Variants in TSPAN9 observed in about 807,000 individuals in gnomAD.
TSPAN9 encodes the protein tetraspanin 9.
TSPAN9 carries 16 observed loss-of-function variants against 31.0 expected under a neutral mutation model. The ratio of observed to expected loss-of-function variants is 0.52; its 90% confidence interval spans 0.35 to 0.78. TSPAN9 has a LOEUF of 0.78. Ranked by LOEUF, TSPAN9 falls within the 30% of genes least tolerant of loss-of-function variation. The pLI is 0.01. For missense variants in TSPAN9, 272 were observed against 312.5 expected (o/e 0.87, Z 0.98); for synonymous variants, 145 against 121.6 (o/e 1.19, Z -1.27).
intron 2 of TSPAN9, among the ~76,000 whole-genome samples, chr12:3,154,642 G>T (rs1042377213): frequency 2.0e-5 from 3 of 152,204 alleles, no homozygotes; most frequent in African/African-American, 7.2e-5. Context: ...TTTTGCAGCA[G>T]GTTGACCAGC....
chr12:3,240,028 T>TA (rs1403612156), intron 3 of TSPAN9, among the ~76,000 whole-genome samples: 3 of 151,072 alleles, frequency 2.0e-5, no homozygotes, highest in Non-Finnish European at 4.4e-5. Flanking sequence ...TACTCCCTTT[T>TA]TTTTTCCTTT....
At chr12:3,268,841 C>T (rs1430336216) in intron 3 of TSPAN9, among the ~76,000 whole-genome samples, 1 of 113,928 alleles carries the variant, frequency 8.8e-6, no homozygotes, top group Non-Finnish European at 1.9e-5. Flanking sequence ...TTCCTGCAGC[C>T]TGCCCTCCGT....
chr12:3,103,162 A>G (rs558077397), intron 2 of TSPAN9, among the ~76,000 whole-genome samples: 126 of 152,292 alleles, frequency 8.3e-4, no homozygotes, highest in Admixed American at 3.3e-3. Flanking sequence ...AAATGCACTC[A>G]CTGAAAAGAG....
chr12:3,218,356 A>T (rs1243226186), intron 3 of TSPAN9, among the ~76,000 whole-genome samples: 1 of 152,144 alleles, frequency 6.6e-6, no homozygotes, highest in Non-Finnish European at 1.5e-5. Flanking sequence ...TGCTTTTAGG[A>T]TGCTCCCTTG....
At chr12:3,135,011 A>T (rs2098331462) in intron 2 of TSPAN9, among the ~76,000 whole-genome samples, 1 of 152,266 alleles carries the variant, frequency 6.6e-6, no homozygotes, top group Non-Finnish European at 1.5e-5. Context: ...AGGTGCCTGC[A>T]GTCAGGGCTG....
chr12:3,262,517 G>T (rs555370875), intron 3 of TSPAN9, among the ~76,000 whole-genome samples: 1 of 151,810 alleles, frequency 6.6e-6, no homozygotes, highest in East Asian at 1.9e-4. Context: ...GGTGCCTCTT[G>T]CCAGCTCACT....
chr12:3,122,021 C>T (rs1286483816), intron 2 of TSPAN9, among the ~76,000 whole-genome samples: 2 of 152,084 alleles, frequency 1.3e-5, no homozygotes, highest in East Asian at 1.9e-4. Context: ...CCCCTCCCCT[C>T]CCCTCGTTTT....
chr12:3,180,003 T>C (rs2098357845), intron 2 of TSPAN9, among the ~76,000 whole-genome samples: 1 of 152,166 alleles, frequency 6.6e-6, no homozygotes, highest in African/African-American at 2.4e-5. Flanking sequence ...AGTAAGCAGC[T>C]CTGAGTTTCA....
At chr12:3,209,273 G>A (rs558187255) in intron 3 of TSPAN9, among the ~76,000 whole-genome samples, 78 of 152,128 alleles carry the variant, frequency 5.1e-4, no homozygotes, top group African/African-American at 1.9e-3. Flanking sequence ...ATTCAGCGTT[G>A]TGTTTCTGGA....
rs114894655 is a variant in TSPAN9, at chr12:3,258,909, G to A, written c.64-19512G>A. 5.1e-3 allele frequency among the ~76,000 whole-genome samples: 770 copies of A among 152,296 alleles called. 9 individuals carry two copies. Among genetic ancestry groups the A allele is most frequent in the African/African-American group, 0.016 (684 of 41,552 alleles). ...CCCCACTGTCTCTTGTCCTTAAGGT[G>A]GGATCCTGAGATGAGATGGCTGATA... On this transcript the variant is annotated intron_variant, in intron 3 of 8. Transcript: ENST00000011898.
At chr12:3,234,931 T>TCAA (rs2098392566) in intron 3 of TSPAN9, among the ~76,000 whole-genome samples, 1 of 148,446 alleles carries the variant, frequency 6.7e-6, no homozygotes, top group Admixed American at 6.7e-5. Flanking sequence ...GAGGCCAAGG[T>TCAA]GGGTGGATTA....
intron 7 of TSPAN9, 108 bp downstream of exon 7, chr12:3,281,437 A>T: frequency 7.7e-7 from 1 of 1,290,764 alleles, no homozygotes; most frequent in Non-Finnish European, 1.0e-6. Context: ...GGTTGGCTGA[A>T]TGTGGCGGTG....
intron 3 of TSPAN9, among the ~76,000 whole-genome samples, chr12:3,218,404 G>C (rs1292645308): frequency 2.0e-5 from 3 of 152,192 alleles, no homozygotes; most frequent in Admixed American, 6.5e-5. Flanking sequence ...ACCTCTTACT[G>C]AGCTCTCAAA....
At chr12:3,100,933 A>G (rs997294559) in intron 2 of TSPAN9, among the ~76,000 whole-genome samples, 7 of 152,354 alleles carry the variant, frequency 4.6e-5, no homozygotes, top group Middle Eastern at 3.4e-3. Flanking sequence ...ATGGAAGACA[A>G]TATAAGTGAA....
At chr12:3,265,868 G>A (rs1200016034) in intron 3 of TSPAN9, among the ~76,000 whole-genome samples, 1 of 152,258 alleles carries the variant, frequency 6.6e-6, no homozygotes, top group African/African-American at 2.4e-5. Context: ...TCAGCTCCAT[G>A]TGTGAGCTTA....
chr12:3,145,897 A>G lies in TSPAN9; in HGVS notation c.-17-55280A>G, dbSNP rs1002935796. ...ATCACCTGTGGTGGGTTTCATTAGC[A>G]TGGGCACAGGGGAGGGAAGGCCTCT... On this transcript the variant is annotated intron_variant, in intron 2 of 8. Coordinates refer to ENST00000011898, the MANE Select transcript of TSPAN9 (RefSeq NM_006675.5). Among the ~76,000 whole-genome samples the G allele has an allele frequency of 5.3e-5, 8 of 152,304 alleles. No homozygotes were observed. The East Asian group carries it at 1.4e-3, about 26-fold the overall frequency.
chr12:3,204,083 G>A (rs532293279), intron 3 of TSPAN9, among the ~76,000 whole-genome samples: 1 of 152,206 alleles, frequency 6.6e-6, no homozygotes, highest in Non-Finnish European at 1.5e-5. Context: ...CTCTGGGACC[G>A]GGTGCAATTG....
At chr12:3,086,570 G>T (rs532432012) in intron 2 of TSPAN9, among the ~76,000 whole-genome samples, 1 of 151,970 alleles carries the variant, frequency 6.6e-6, no homozygotes, top group South Asian at 2.1e-4. Flanking sequence ...CAGTCCAGGG[G>T]GTCCGAAGAG....
chr12:3,135,427 C>G (rs1408542957), intron 2 of TSPAN9, among the ~76,000 whole-genome samples: 1 of 152,168 alleles, frequency 6.6e-6, no homozygotes, highest in Admixed American at 6.5e-5. Flanking sequence ...AGGCACACTC[C>G]TTCCTTAATC....
Sources: gnomAD v4.1 joint callset for allele counts (sites outside exome capture counted in the v4.1 genomes callset) on GRCh38, gnomAD v4.1.1 for gene constraint, MANE v1.5 for transcripts, NCBI Gene and HGNC (gene_info 2026-07-23, HGNC 2026-07-21) for gene names.